Variants in KCNIP1 observed in about 807,000 individuals in gnomAD.
KCNIP1 encodes the protein potassium voltage-gated channel interacting protein 1.
Under a neutral mutation model 33.0 loss-of-function variants are expected in KCNIP1, and 18 were observed. The observed-to-expected ratio is 0.55, with a 90% CI of 0.38 to 0.81. KCNIP1 has a LOEUF of 0.81. Ranked by LOEUF, KCNIP1 falls within the 30% of genes least tolerant of loss-of-function variation. The pLI is 0.00. For synonymous variants in KCNIP1, 93 were observed against 98.3 expected (o/e 0.95, Z 0.32); for missense variants, 238 against 271.6 (o/e 0.88, Z 0.87).
At position 170,704,497 on chromosome 5, in the gene KCNIP1, T is replaced by A. The variant is rs1012756171; in HGVS notation, c.62-14261T>A. Among the ~76,000 whole-genome samples the A allele has an allele frequency of 7.5e-5, 8 of 107,162 alleles. 1 individual carries two copies. Among genetic ancestry groups the A allele is most frequent in the African/African-American group, 1.4e-4 (3 of 21,444 alleles). 70.3% of individuals were successfully genotyped at this position (107,162 alleles called of 152,430 possible). Reference sequence around the variant, plus strand: ...GAAAGTACTCTGTAAAGTATAAGGCTGAAATGTACTGGGCTCAGAATTGGG... The same window carrying A: ...GAAAGTACTCTGTAAAGTATAAGGCAGAAATGTACTGGGCTCAGAATTGGG... On this transcript the variant is annotated intron_variant, in intron 1 of 7. Transcript: ENST00000328939.
intron 1 of KCNIP1, among the ~76,000 whole-genome samples, chr5:170,530,506 C>A (rs1375244486): frequency 1.3e-5 from 2 of 152,204 alleles, no homozygotes; most frequent in Non-Finnish European, 2.9e-5. Context: ...CCCCTCAACA[C>A]CCTATCTGCC....
intron 1 of KCNIP1, among the ~76,000 whole-genome samples, chr5:170,611,831 G>A (rs896801704): frequency 3.9e-5 from 6 of 152,200 alleles, no homozygotes; most frequent in Non-Finnish European, 7.3e-5. Context: ...GAGAGAGAAG[G>A]GAGAATCGCT....
intron 1 of KCNIP1, among the ~76,000 whole-genome samples, chr5:170,674,152 GAA>G (rs1489238483): frequency 6.4e-4 from 40 of 62,354 alleles, no homozygotes; most frequent in African/African-American, 3.0e-3. Flanking sequence ...AGGAAGGAAG[GAA>G]GGAAGGAAGG....
chr5:170,407,122 G>A (rs1346630267), intron 1 of KCNIP1, among the ~76,000 whole-genome samples: 2 of 152,208 alleles, frequency 1.3e-5, no homozygotes, highest in Non-Finnish European at 2.9e-5. Flanking sequence ...TCTGTGGTGC[G>A]CATGGTGGGC....
At chr5:170,492,138 C>A (rs541028051) in intron 1 of KCNIP1, among the ~76,000 whole-genome samples, 1 of 152,348 alleles carries the variant, frequency 6.6e-6, no homozygotes, top group South Asian at 2.1e-4. Flanking sequence ...AAACTGCCCC[C>A]ACTTCAGACA....
intron 1 of KCNIP1, among the ~76,000 whole-genome samples, chr5:170,488,571 T>C (rs1247124995): frequency 1.3e-5 from 2 of 152,230 alleles, no homozygotes; most frequent in African/African-American, 2.4e-5. Flanking sequence ...CACAATTTAG[T>C]GTATGCATCT....
chr5:170,648,878 T>C (rs1274487681), intron 1 of KCNIP1, among the ~76,000 whole-genome samples: 1 of 152,176 alleles, frequency 6.6e-6, no homozygotes, highest in African/African-American at 2.4e-5. Flanking sequence ...ATGGGAACTC[T>C]TCTACTTCCC....
In KCNIP1 at chr5:170,451,058, G is replaced by A. The variant is rs907254473; in HGVS notation, c.88+97094G>A. 6.6e-5 allele frequency among the ~76,000 whole-genome samples: 10 copies of A among 152,252 alleles called. No homozygotes were observed. The East Asian group carries it at 1.5e-3, about 23-fold the overall frequency. The stretch of plus-strand genomic sequence containing the variant: ...AAAGAGGCAAGCAGCCCCAACTGAC[G>A]GGAGCTGGCCTGGTCCTCACAGTTT... On this transcript the variant is annotated intron_variant, in intron 1 of 7. Coordinates refer to the KCNIP1 transcript ENST00000377360.
chr5:170,400,966 G>C (rs947780280), intron 1 of KCNIP1, among the ~76,000 whole-genome samples: 4 of 152,240 alleles, frequency 2.6e-5, no homozygotes, highest in African/African-American at 9.6e-5. Flanking sequence ...CATGTAACTA[G>C]TGATATTGGA....
chr5:170,492,179 C>T (rs1432909341), intron 1 of KCNIP1, among the ~76,000 whole-genome samples: 2 of 152,218 alleles, frequency 1.3e-5, no homozygotes, highest in African/African-American at 4.8e-5. Context: ...CCCTGTACTT[C>T]TGACCAACCA....
intron 1 of KCNIP1, among the ~76,000 whole-genome samples, chr5:170,583,087 G>A (rs1231622138): frequency 2.0e-5 from 3 of 152,200 alleles, no homozygotes; most frequent in Non-Finnish European, 4.4e-5. Context: ...TCCTAATGGA[G>A]GAGGGAAAAC....
In KCNIP1 at chr5:170,434,941, C is replaced by T. The variant is rs140571807; in HGVS notation, c.88+80977C>T. 4.7e-3 allele frequency among the ~76,000 whole-genome samples: 710 copies of T among 152,286 alleles called. 6 individuals carry two copies. Among genetic ancestry groups the T allele is most frequent in the African/African-American group, 0.016 (662 of 41,570 alleles). The stretch of plus-strand genomic sequence containing the variant: ...CTGAACTCCAGCCTGGGCGACAGAG[C>T]GAGACTCCATCTCAATCCATCTATC... On this transcript the variant is annotated intron_variant, in intron 1 of 7. Coordinates refer to the KCNIP1 transcript ENST00000377360.
chr5:170,673,744 C>T (rs1291667619), intron 1 of KCNIP1, among the ~76,000 whole-genome samples: 1 of 152,100 alleles, frequency 6.6e-6, no homozygotes, highest in Non-Finnish European at 1.5e-5. Flanking sequence ...GGAGATATAA[C>T]ATCTATGTCA....
At chr5:170,690,768 A>T (rs900170583) in intron 1 of KCNIP1, among the ~76,000 whole-genome samples, 2 of 152,340 alleles carry the variant, frequency 1.3e-5, no homozygotes, top group Non-Finnish European at 2.9e-5. Flanking sequence ...TTGTTTCCAG[A>T]TGGTGATCTG....
chr5:170,724,771 G>A (rs910519507), intron 5 of KCNIP1, among the ~76,000 whole-genome samples: 1 of 152,090 alleles, frequency 6.6e-6, no homozygotes, highest in African/African-American at 2.4e-5. Flanking sequence ...CAAAACAGGT[G>A]CAAGACTCAT....
chr5:170,699,477 C>T (rs968046925), intron 1 of KCNIP1, among the ~76,000 whole-genome samples: 2 of 151,664 alleles, frequency 1.3e-5, no homozygotes, highest in African/African-American at 4.8e-5. Context: ...TAATCTTCCC[C>T]CTTTTAATGA....
intron 1 of KCNIP1, among the ~76,000 whole-genome samples, chr5:170,554,103 T>C (rs1384280735): frequency 6.6e-5 from 10 of 152,166 alleles, no homozygotes; most frequent in Non-Finnish European, 1.5e-4. Flanking sequence ...TGATTTTTCA[T>C]AAGAACCTGG....
intron 1 of KCNIP1, among the ~76,000 whole-genome samples, chr5:170,494,226 C>T (rs756410345): frequency 2.0e-5 from 3 of 152,210 alleles, no homozygotes; most frequent in Admixed American, 6.5e-5. Context: ...GCTGTGGGCA[C>T]GAATACTAAT....
intron 1 of KCNIP1, among the ~76,000 whole-genome samples, chr5:170,432,142 G>A (rs1755757934): frequency 6.6e-6 from 1 of 151,884 alleles, no homozygotes; most frequent in Non-Finnish European, 1.5e-5. Flanking sequence ...GCAGTTCTGG[G>A]CTTGTGTAAA....
Sources: gnomAD v4.1 joint callset for allele counts (sites outside exome capture counted in the v4.1 genomes callset) on GRCh38, gnomAD v4.1.1 for gene constraint, MANE v1.5 for transcripts, NCBI Gene and HGNC (gene_info 2026-07-23, HGNC 2026-07-21) for gene names.